Variants in TTLL7 observed in about 807,000 individuals in gnomAD.
TTLL7 encodes tubulin tyrosine ligase like 7, also known as tubulin polyglutamylase TTLL7.
A neutral mutation model predicts 120.2 loss-of-function variants in TTLL7; 53 were observed. That is an observed-to-expected ratio of 0.44 (90% CI 0.35 to 0.55). The LOEUF is 0.55. Among genes scored for constraint, TTLL7 ranks in the 20% least tolerant of loss-of-function variants. The probability of loss-of-function intolerance (pLI) is 0.00; values close to 1 mark genes in which losing one functional copy is unlikely to be tolerated. For missense variants in TTLL7, 803 were observed against 1,054.7 expected (o/e 0.76, Z 3.31); for synonymous variants, 353 against 351.7 (o/e 1.00, Z -0.04).
chr1:83,963,692 C>T (rs985702872), intron 1 of TTLL7, among the ~76,000 whole-genome samples: 4 of 152,030 alleles, frequency 2.6e-5, no homozygotes, highest in African/African-American at 9.7e-5. Context: ...TTTTAATTTA[C>T]ATATTCTCCA....
intron 13 of TTLL7, among the ~76,000 whole-genome samples, chr1:83,918,011 C>A (rs1460757086): frequency 6.6e-6 from 1 of 152,090 alleles, no homozygotes; most frequent in African/African-American, 2.4e-5. Flanking sequence ...ACTAAAATTT[C>A]TGGAAAGTTC....
chr1:83,959,149 T>A (rs1649796234), intron 1 of TTLL7, among the ~76,000 whole-genome samples: 1 of 152,248 alleles, frequency 6.6e-6, no homozygotes, highest in Non-Finnish European at 1.5e-5. Flanking sequence ...CAGTATCATC[T>A]GCAAACTTCT....
rs533989859 is a variant in TTLL7 at position 83,911,450 on chromosome 1, A to G, written c.1588-87T>C. On this transcript the variant is annotated intron_variant, in intron 14 of 20. Coordinates refer to ENST00000260505, the MANE Select transcript of TTLL7 (RefSeq NM_024686.6). ...TAGTTACTATTTTTAATTTCCCCCTATGCTTGCTGCTTTTTACTGAAGGTT... is the reference window on the plus strand; with the variant it reads ...TAGTTACTATTTTTAATTTCCCCCTGTGCTTGCTGCTTTTTACTGAAGGTT... 7 of 1,067,118 alleles carry G rather than the reference A, an allele frequency of 6.6e-6. No individual in the cohort carries two copies. In the South Asian group the frequency reaches 8.0e-5, roughly 12 times the overall value. 66.1% of individuals were successfully genotyped at this position (1,067,118 alleles called of 1,614,324 possible).
At chr1:83,873,806 G>A (rs765047692) in intron 20 of TTLL7, among the ~76,000 whole-genome samples, 4 of 152,044 alleles carry the variant, frequency 2.6e-5, no homozygotes, top group Non-Finnish European at 4.4e-5. Context: ...AATTAACCTT[G>A]AAAACATAAG....
intron 10 of TTLL7, among the ~76,000 whole-genome samples, chr1:83,923,326 G>A (rs575412755): frequency 6.6e-6 from 1 of 150,444 alleles, no homozygotes; most frequent in East Asian, 1.9e-4. Flanking sequence ...GAAATGAAAA[G>A]AGGAATAGAG....
At position 83,999,098 on chromosome 1, in the gene TTLL7, C is replaced by G; in HGVS notation, c.-344G>C. ...CCCACCGCCCGTGGCAGCCACGGCT[C>G]GGGACTCCGGTGCTCGACGCGGAGT... On this transcript the variant is annotated 5_prime_UTR_variant, in exon 1 of 21. Transcript: ENST00000260505. 1 of 441,580 alleles carries G rather than the reference C, an allele frequency of 2.3e-6. No homozygotes were observed. Among genetic ancestry groups the G allele is most frequent in the Non-Finnish European group, 4.5e-6 (1 of 222,508 alleles). The allele number at this position is 441,580 out of a possible 1,614,324, so 27.4% of individuals were successfully genotyped here.
At chr1:83,929,500 A>G (rs1659413796) in intron 9 of TTLL7, among the ~76,000 whole-genome samples, 1 of 152,030 alleles carries the variant, frequency 6.6e-6, no homozygotes, top group Non-Finnish European at 1.5e-5. Flanking sequence ...CTCTCCCTCC[A>G]TTCCACTCTC....
At chr1:83,925,280 C>T (rs1659019765) in intron 10 of TTLL7, among the ~76,000 whole-genome samples, 1 of 152,134 alleles carries the variant, frequency 6.6e-6, no homozygotes, top group South Asian at 2.1e-4. Flanking sequence ...TTTCTATCTT[C>T]CCCCATTACT....
At chr1:83,932,665 T>A (rs967750516) in intron 9 of TTLL7, among the ~76,000 whole-genome samples, 18 of 152,190 alleles carry the variant, frequency 1.2e-4, no homozygotes, top group African/African-American at 3.9e-4. Flanking sequence ...ACCACTCATT[T>A]AATTTGCTTA....
chr1:83,955,468 G>A (rs76357149), intron 1 of TTLL7, among the ~76,000 whole-genome samples: 21,125 of 152,024 alleles, frequency 0.14, 1,973 homozygotes, highest in Non-Finnish European at 0.21. Context: ...TTATAATCAA[G>A]GCTTCACACA....
Position 83,865,377 on chromosome 1 carries a change from A to T in TTLL7, c.*4585T>A, listed in dbSNP as rs778960158. ...ATTGCTGTTAGCCTTTGAAAGAGAAATATCAGTGTTATTTCATTACTTTTG... is the reference window on the plus strand; with the variant it reads ...ATTGCTGTTAGCCTTTGAAAGAGAATTATCAGTGTTATTTCATTACTTTTG... On this transcript the variant is annotated 3_prime_UTR_variant, in exon 21 of 21. Transcript: ENST00000260505. 2.6e-5 allele frequency: 4 copies of T among 152,040 alleles called. No individual in the cohort carries two copies. The highest frequency in any genetic ancestry group is 5.9e-5 in the Non-Finnish European group (4 of 67,892). 9.4% of individuals were successfully genotyped at this position (152,040 alleles called of 1,614,324 possible). A position where few individuals can be genotyped will look rare whatever the true frequency, so the allele number is the denominator to read the frequency against.
intron 18 of TTLL7, among the ~76,000 whole-genome samples, chr1:83,892,936 A>G (rs1356350765): frequency 1.8e-5 from 2 of 114,250 alleles, no homozygotes; most frequent in Non-Finnish European, 1.6e-5. Context: ...AAGAGAAAGA[A>G]AGAAAGAAAG....
chr1:83,955,910 A>T (rs892130991), intron 1 of TTLL7, among the ~76,000 whole-genome samples: 4 of 152,066 alleles, frequency 2.6e-5, no homozygotes, highest in African/African-American at 9.7e-5. Context: ...CTAAGAAGGA[A>T]TGATAGCTTG....
At chr1:83,985,159 GTC>G (rs1245568262) in intron 1 of TTLL7, among the ~76,000 whole-genome samples, 2 of 152,296 alleles carry the variant, frequency 1.3e-5, no homozygotes, top group East Asian at 3.9e-4. Flanking sequence ...TAGTGGCTCA[GTC>G]TGAGTCCGAA....
intron 9 of TTLL7, among the ~76,000 whole-genome samples, chr1:83,929,630 CAAT>C (rs1191376274): frequency 5.3e-5 from 8 of 152,014 alleles, no homozygotes; most frequent in Non-Finnish European, 1.0e-4. Flanking sequence ...TATATCAACA[CAAT>C]AATAATTATA....
At chr1:83,926,529 G>A (rs533700763) in intron 10 of TTLL7, among the ~76,000 whole-genome samples, 9 of 152,272 alleles carry the variant, frequency 5.9e-5, no homozygotes, top group African/African-American at 1.7e-4. Context: ...AAAGAGGGCT[G>A]AGGCAAGAAC....
chr1:83,954,529 G>A (rs1649337446), intron 1 of TTLL7, among the ~76,000 whole-genome samples: 1 of 152,196 alleles, frequency 6.6e-6, no homozygotes, highest in African/African-American at 2.4e-5. Flanking sequence ...ACATGTTTCA[G>A]TTACCTCTGA....
At chr1:83,996,224 T>C (rs1653466725) in intron 1 of TTLL7, among the ~76,000 whole-genome samples, 1 of 152,238 alleles carries the variant, frequency 6.6e-6, no homozygotes, top group African/African-American at 2.4e-5. Context: ...AGAGGAAAAA[T>C]TGTACTTGCA....
chr1:83,965,761 T>A (rs1650401995), intron 1 of TTLL7, among the ~76,000 whole-genome samples: 1 of 152,258 alleles, frequency 6.6e-6, no homozygotes, highest in Admixed American at 6.5e-5. Context: ...CCCCAATTAT[T>A]ATTTATTTAA....
Sources: allele counts gnomAD v4.1 joint callset (sites outside exome capture counted in the v4.1 genomes callset), GRCh38; gene constraint gnomAD v4.1.1; transcripts MANE v1.5; gene names NCBI Gene and HGNC (gene_info 2026-07-23, HGNC 2026-07-21).